SEMA3E: variants seen among roughly 807,000 people sequenced by gnomAD.
The protein encoded by SEMA3E is semaphorin 3E.
SEMA3E carries 49 observed loss-of-function variants against 93.6 expected under a neutral mutation model. The observed-to-expected ratio is 0.52, with a 90% CI of 0.42 to 0.66. SEMA3E has a LOEUF of 0.66. SEMA3E is among the 30% of genes least tolerant of loss of function. The pLI is 0.00. For missense variants in SEMA3E, 906 were observed against 964.8 expected, an observed-to-expected ratio of 0.94 and a Z score of 0.81; for synonymous variants, 363 against 330.7, an observed-to-expected ratio of 1.10 and a Z score of -1.06.
chr7:83,594,361 C>A (rs1040670482), intron 1 of SEMA3E, among the ~76,000 whole-genome samples: 1 of 152,010 alleles, frequency 6.6e-6, no homozygotes, highest in African/African-American at 2.4e-5. Flanking sequence ...TGCAGGTGAT[C>A]AGATTAGGGA....
In SEMA3E at chr7:83,453,539, A is replaced by T. The variant is rs188194476; in HGVS notation, c.456+12943T>A. Among the ~76,000 whole-genome samples the T allele has an allele frequency of 3.1e-3, 467 of 152,310 alleles. 3 individuals carry two copies. The highest frequency in any genetic ancestry group is 4.9e-3 in the Non-Finnish European group (336 of 68,032). ...ACAAACAAAACCATATACAGTAATT[A>T]GTCTGCAGAATGAAAAACTCATAGA... On this transcript the variant is annotated intron_variant, in intron 4 of 16. Coordinates refer to ENST00000643230, the MANE Select transcript of SEMA3E (RefSeq NM_012431.3).
At chr7:83,389,344 G>C (rs978072098) in intron 14 of SEMA3E, among the ~76,000 whole-genome samples, 1 of 124,668 alleles carries the variant, frequency 8.0e-6, no homozygotes, top group African/African-American at 2.5e-5. Flanking sequence ...TCAACAAAAT[G>C]AGAAATGGCT....
At chr7:83,583,154 G>C (rs528380364) in intron 1 of SEMA3E, among the ~76,000 whole-genome samples, 1 of 152,188 alleles carries the variant, frequency 6.6e-6, no homozygotes, top group Admixed American at 6.6e-5. Context: ...ATTTATGTAG[G>C]TCTAACATCT....
rs371350850 is a variant in SEMA3E, at chr7:83,500,590, C to CTTTTT, written c.116-10321_116-10317dup. 7.0e-3 allele frequency among the ~76,000 whole-genome samples: 704 copies of CTTTTT among 100,592 alleles called. 32 individuals are homozygous for CTTTTT. The highest frequency in any genetic ancestry group is 0.017 in the East Asian group (53 of 3,030). 66.0% of individuals were successfully genotyped at this position (100,592 alleles called of 152,430 possible). A position where few individuals can be genotyped will look rare whatever the true frequency, so the allele number is the denominator to read the frequency against. On this transcript the variant is annotated intron_variant, in intron 1 of 16. Transcript: ENST00000643230. Reference sequence around the variant, plus strand: ...TCTATACATCTATCTAACTTTCTTCCTTTTTTTTTTTTTTTTTTTGAGATA... The same window carrying CTTTTT: ...TCTATACATCTATCTAACTTTCTTCCTTTTTTTTTTTTTTTTTTTTTTTTGAGATA...
At chr7:83,490,592 T>C (rs1265701476) in intron 1 of SEMA3E, among the ~76,000 whole-genome samples, 2 of 152,040 alleles carry the variant, frequency 1.3e-5, no homozygotes, top group Non-Finnish European at 1.5e-5. Flanking sequence ...GTATAATGGT[T>C]CCAAATCTAC....
chr7:83,384,624 T>C lies in SEMA3E; in HGVS notation c.1875+670A>G, dbSNP rs549908649. ...CTCTTTATGCCCTGGACTCTTTCTA[T>C]AGACAGCCCTTGACTCACATTCTTT... On this transcript the variant is annotated intron_variant, in intron 16 of 16. Coordinates refer to ENST00000643230, the MANE Select transcript of SEMA3E (RefSeq NM_012431.3). Among the ~76,000 whole-genome samples the C allele has an allele frequency of 7.9e-5, 12 of 152,176 alleles. No individual in the cohort carries two copies. In the South Asian group the frequency reaches 2.3e-3, roughly 29 times the overall value.
intron 4 of SEMA3E, among the ~76,000 whole-genome samples, chr7:83,455,525 T>G (rs963875864): frequency 6.6e-6 from 1 of 152,182 alleles, no homozygotes; most frequent in Non-Finnish European, 1.5e-5. Flanking sequence ...CTGTGGTGGG[T>G]AGAATGCTTA....
chr7:83,544,548 A>G (rs1255072287), intron 1 of SEMA3E, among the ~76,000 whole-genome samples: 1 of 152,158 alleles, frequency 6.6e-6, no homozygotes. Context: ...GCTCACATGT[A>G]TGCTTTTTCC....
intron 4 of SEMA3E, among the ~76,000 whole-genome samples, chr7:83,461,442 G>A (rs74961949): frequency 7.2e-5 from 11 of 152,032 alleles, no homozygotes; most frequent in Non-Finnish European, 1.3e-4. Flanking sequence ...CACCTGGTCC[G>A]GCTTACAGTT....
At chr7:83,473,673 T>G (rs997152240) in intron 2 of SEMA3E, among the ~76,000 whole-genome samples, 1 of 152,234 alleles carries the variant, frequency 6.6e-6, no homozygotes, top group Non-Finnish European at 1.5e-5. Context: ...GCGGAAATAT[T>G]CCTCTGGAGT....
rs558433624 is a variant in SEMA3E, at chr7:83,479,587, T to TA, written c.277-10286dup. Among the ~76,000 whole-genome samples the TA allele has an allele frequency of 1.2e-4, 19 of 152,298 alleles. No individual in the cohort carries two copies. In the South Asian group the frequency reaches 3.9e-3, roughly 32 times the overall value. ...AGATAGTAAATATTAAGGCGGTGCT[T>TA]ACTATGTTCCAGGCACTGTTCTGGG... On this transcript the variant is annotated intron_variant, in intron 2 of 16. Coordinates refer to ENST00000643230, the MANE Select transcript of SEMA3E (RefSeq NM_012431.3).
At chr7:83,625,699 CT>C (rs1302015463) in intron 1 of SEMA3E, among the ~76,000 whole-genome samples, 1 of 151,882 alleles carries the variant, frequency 6.6e-6, no homozygotes, top group African/African-American at 2.4e-5. Flanking sequence ...CCCTTTATTT[CT>C]TTCTCTGGCA....
chr7:83,458,971 GTGTA>G (rs1554328022), intron 4 of SEMA3E, among the ~76,000 whole-genome samples: 33 of 63,902 alleles, frequency 5.2e-4, no homozygotes, highest in African/African-American at 9.4e-4. Flanking sequence ...GTGTGTGTGT[GTGTA>G]TATATATATA....
intron 1 of SEMA3E, among the ~76,000 whole-genome samples, chr7:83,593,284 C>CTGTGTGTGTGTG (rs66605514): frequency 2.6e-5 from 3 of 116,762 alleles, no homozygotes; most frequent in East Asian, 4.8e-4. Context: ...CTCTCTCTCT[C>CTGTGTGTGTGTG]TGTGTGTGTG....
chr7:83,499,555 T>G (rs547335600), intron 1 of SEMA3E, among the ~76,000 whole-genome samples: 3 of 152,204 alleles, frequency 2.0e-5, no homozygotes, highest in Non-Finnish European at 4.4e-5. Context: ...TTGCCCATAT[T>G]TGAATTTAAG....
intron 1 of SEMA3E, among the ~76,000 whole-genome samples, chr7:83,546,893 G>A (rs1791662666): frequency 6.6e-6 from 1 of 152,100 alleles, no homozygotes; most frequent in African/African-American, 2.4e-5. Context: ...AAATTTTATT[G>A]ATGAAGATAC....
chr7:83,627,628 C>CTTTTTT (rs746550123), intron 1 of SEMA3E, among the ~76,000 whole-genome samples: 69 of 65,348 alleles, frequency 1.1e-3, no homozygotes, highest in East Asian at 2.1e-3. Flanking sequence ...GCAACCCCTG[C>CTTTTTT]TTTTTTTTTT....
rs952055549 is a variant in SEMA3E, at chr7:83,472,297, C to T, written c.277-2995G>A. ...TTTAAATACAATATCTAATTTAATC[C>T]TTACCACAACTTTATCAAAGAGATG... On this transcript the variant is annotated intron_variant, in intron 2 of 16. Transcript: ENST00000643230. 5.9e-5 allele frequency among the ~76,000 whole-genome samples: 9 copies of T among 152,188 alleles called. No individual in the cohort carries two copies. The East Asian group carries it at 1.7e-3, about 29-fold the overall frequency.
At position 83,408,404 on chromosome 7, in the gene SEMA3E, T is replaced by C. The variant is rs1788367121; in HGVS notation, c.634A>G (p.Ile212Val). ...CGCTCATCGTCATGCTCAGTGCGGA[T>C]ATGGGCCAGTCGCCCCATGCTGCGG... is the stretch of plus-strand genomic sequence containing the variant. ...IFRSMGRLAH[I>V]RTEHDDERLL... The change falls in exon 6 of 17, where the codon ATC (isoleucine) becomes GTC (valine). Residue 212 changes from isoleucine to valine, a missense_variant. Transcript: ENST00000643230. 1.9e-6 allele frequency: 3 copies of C among 1,613,720 alleles called. No individual in the cohort carries two copies. Among genetic ancestry groups the C allele is most frequent in the South Asian group, 2.2e-5 (2 of 91,088 alleles).
Sources: allele counts gnomAD v4.1 joint callset (sites outside exome capture counted in the v4.1 genomes callset), GRCh38; gene constraint gnomAD v4.1.1; transcripts MANE v1.5; gene names NCBI Gene and HGNC (gene_info 2026-07-23, HGNC 2026-07-21).